The following GPC6 variants were observed in gnomAD, a reference collection of about 807,000 sequenced individuals.
The protein encoded by GPC6 is glypican 6.
Under a neutral mutation model 55.2 loss-of-function variants are expected in GPC6, and 14 were observed. That is an observed-to-expected ratio of 0.25 (90% CI 0.17 to 0.40). The LOEUF (loss-of-function observed/expected upper bound fraction) is 0.40. GPC6 is among the 10% of genes least tolerant of loss of function. The pLI, the probability that GPC6 is intolerant of heterozygous loss-of-function variation, is 1.00. For synonymous variants in GPC6, 278 were observed against 259.6 expected, an observed-to-expected ratio of 1.07 and a Z score of -0.68; for missense variants, 641 against 708.5, an observed-to-expected ratio of 0.90 and a Z score of 1.08.
intron 5 of GPC6, among the ~76,000 whole-genome samples, chr13:94,295,539 A>C (rs1875285999): frequency 6.6e-6 from 1 of 152,120 alleles, no homozygotes; most frequent in African/African-American, 2.4e-5. Context: ...AGGGAGATGG[A>C]TCTCTAAATA....
intron 1 of GPC6, among the ~76,000 whole-genome samples, chr13:93,290,587 A>C (rs903356746): frequency 6.6e-6 from 1 of 152,122 alleles, no homozygotes; most frequent in Non-Finnish European, 1.5e-5. Flanking sequence ...AGATTAGAGG[A>C]ATCCCCTTCC....
intron 4 of GPC6, among the ~76,000 whole-genome samples, chr13:94,037,098 T>A: frequency 6.6e-6 from 1 of 152,058 alleles, no homozygotes; most frequent in East Asian, 1.9e-4. Flanking sequence ...TCAATAGTCC[T>A]AAGAGGACTT....
intron 1 of GPC6, among the ~76,000 whole-genome samples, chr13:93,353,379 A>G (rs868064746): frequency 1.3e-5 from 2 of 152,202 alleles, no homozygotes; most frequent in African/African-American, 4.8e-5. Flanking sequence ...AGAAAAGAAC[A>G]CTAACAATGA....
intron 3 of GPC6, among the ~76,000 whole-genome samples, chr13:93,901,878 G>C (rs1377709069): frequency 6.8e-5 from 10 of 147,452 alleles, no homozygotes; most frequent in African/African-American, 2.5e-4. Flanking sequence ...TCCATCCTGG[G>C]CCACAGAGTG....
intron 3 of GPC6, among the ~76,000 whole-genome samples, chr13:93,944,450 C>T (rs903712621): frequency 3.9e-5 from 6 of 152,072 alleles, no homozygotes; most frequent in East Asian, 1.9e-4. Context: ...GTGATCCGCC[C>T]GCCTCGGCCT....
intron 3 of GPC6, among the ~76,000 whole-genome samples, chr13:94,025,178 C>T (rs576015756): frequency 4.7e-4 from 71 of 152,210 alleles, no homozygotes; most frequent in African/African-American, 1.6e-3. Context: ...CAGATTCAAA[C>T]GTAGAAATAC....
intron 2 of GPC6, among the ~76,000 whole-genome samples, chr13:93,734,500 C>T (rs562374204): frequency 7.9e-5 from 12 of 152,262 alleles, no homozygotes; most frequent in Non-Finnish European, 1.5e-4. Flanking sequence ...CCTGTTCCAT[C>T]ACTGGGGCAC....
intron 3 of GPC6, among the ~76,000 whole-genome samples, chr13:93,897,352 CAGAAAG>C (rs1345506123): frequency 2.0e-5 from 3 of 151,710 alleles, no homozygotes; most frequent in Non-Finnish European, 4.4e-5. Context: ...TTTTTTTAAT[CAGAAAG>C]AGAAGATAAG....
intron 4 of GPC6, among the ~76,000 whole-genome samples, chr13:94,149,249 C>G (rs774627449): frequency 2.0e-5 from 3 of 151,948 alleles, no homozygotes; most frequent in Non-Finnish European, 4.4e-5. Flanking sequence ...CAAAGAGAGC[C>G]CCGAAGTCCC....
intron 6 of GPC6, among the ~76,000 whole-genome samples, chr13:94,324,042 G>A (rs1222787960): frequency 2.6e-5 from 4 of 152,192 alleles, no homozygotes; most frequent in African/African-American, 9.7e-5. Context: ...GTCGAATAAA[G>A]TTAACACTGG....
At chr13:93,295,290 C>CAAAAAAAAAAAAAAAAAAAA (rs67379652) in intron 1 of GPC6, among the ~76,000 whole-genome samples, 21 of 66,684 alleles carry the variant, frequency 3.1e-4, no homozygotes, top group African/African-American at 1.6e-3. Flanking sequence ...GACCCTGTCT[C>CAAAAAAAAAAAAAAAAAAAA]AAAAAAAAAA....
rs10659977 is a variant in GPC6 at position 93,444,195 on chromosome 13, C to CTTTTTT, written c.161-101054_161-101049dup. On this transcript the variant is annotated intron_variant, in intron 1 of 8. Transcript: ENST00000377047. ...AGTAAAAAGTCAAAATGCAATTCTT[C>CTTTTTT]TTTTTTTTTTTTTTTTTTTGGTAAA... Among the ~76,000 whole-genome samples the CTTTTTT allele has an allele frequency of 3.6e-3, 403 of 110,622 alleles. 4 individuals carry two copies. Among genetic ancestry groups the CTTTTTT allele is most frequent in the African/African-American group, 0.012 (371 of 30,426 alleles). The allele number at this position is 110,622 out of a possible 152,430, so 72.6% of individuals were successfully genotyped here. A position where few individuals can be genotyped will look rare whatever the true frequency, so the allele number is the denominator to read the frequency against.
At chr13:94,315,731 A>T (rs943120151) in intron 6 of GPC6, among the ~76,000 whole-genome samples, 4 of 152,250 alleles carry the variant, frequency 2.6e-5, no homozygotes, top group Admixed American at 2.6e-4. Flanking sequence ...GACAAACCTT[A>T]CATGAAAAGG....
intron 2 of GPC6, among the ~76,000 whole-genome samples, chr13:93,769,433 CAA>C (rs11423382): frequency 6.7e-5 from 9 of 133,638 alleles, no homozygotes; most frequent in Non-Finnish European, 9.5e-5. Context: ...CTGCACGTGA[CAA>C]AAAAAAAAAA....
rs78359740 is a variant in GPC6, at chr13:93,413,557, CT to C, written c.161-131693del. 0.019 allele frequency among the ~76,000 whole-genome samples: 2,749 copies of C among 142,080 alleles called. 211 individuals carry two copies. The East Asian group carries it at 0.29, about 15-fold the overall frequency. The allele number at this position is 142,080 out of a possible 152,430, so 93.2% of individuals were successfully genotyped here. A position where few individuals can be genotyped will look rare whatever the true frequency, so the allele number is the denominator to read the frequency against. On this transcript the variant is annotated intron_variant, in intron 1 of 8. Coordinates refer to ENST00000377047, the MANE Select transcript of GPC6 (RefSeq NM_005708.5). ...TTTTAAAATAGTGTTGTATTTTGTT[CT>C]TTTTTTTTTTTTCCGGAAGAGATGA...
chr13:93,686,246 C>G (rs1005827521), intron 2 of GPC6, among the ~76,000 whole-genome samples: 1 of 152,072 alleles, frequency 6.6e-6, no homozygotes, highest in Non-Finnish European at 1.5e-5. Context: ...AATCCAACTT[C>G]TGATAATACT....
chr13:93,412,462 C>A (rs1876541540), intron 1 of GPC6, among the ~76,000 whole-genome samples: 1 of 152,104 alleles, frequency 6.6e-6, no homozygotes, highest in Admixed American at 6.6e-5. Flanking sequence ...TCGAGACCAG[C>A]CTGGCCAATA....
chr13:94,272,532 C>A (rs1273884468), intron 4 of GPC6, among the ~76,000 whole-genome samples: 10 of 142,134 alleles, frequency 7.0e-5, no homozygotes, highest in Non-Finnish European at 3.0e-5. Flanking sequence ...GCAGTGGTGC[C>A]ATCTCAGCTC....
intron 3 of GPC6, among the ~76,000 whole-genome samples, chr13:94,018,172 T>C (rs1432802378): frequency 6.6e-6 from 1 of 152,174 alleles, no homozygotes; most frequent in Non-Finnish European, 1.5e-5. Flanking sequence ...ATAATTTAGA[T>C]GATTGTGTGT....
Sources: gnomAD v4.1 joint callset for allele counts (sites outside exome capture counted in the v4.1 genomes callset) on GRCh38, gnomAD v4.1.1 for gene constraint, MANE v1.5 for transcripts, NCBI Gene and HGNC (gene_info 2026-07-23, HGNC 2026-07-21) for gene names.